The following RNF214 variants were observed in gnomAD, a reference collection of about 807,000 sequenced individuals.
RNF214 encodes the protein ring finger protein 214.
In RNF214, 25 loss-of-function variants were observed where a neutral mutation model predicts 75.9. The ratio of observed to expected loss-of-function variants is 0.33; its 90% CI spans 0.24 to 0.46. The LOEUF (loss-of-function observed/expected upper bound fraction) is 0.46, where lower values mean the gene tolerates loss of function less well. Among genes scored for constraint, RNF214 ranks in the 20% least tolerant of loss-of-function variants. RNF214 has a pLI of 1.00. For missense variants in RNF214, 725 were observed against 857.5 expected (o/e 0.85, Z 1.93); for synonymous variants, 314 against 308.8 (o/e 1.02, Z -0.18).
At chr11:117,263,009 G>A (rs1012629965) in intron 6 of RNF214, among the ~76,000 whole-genome samples, 1 of 151,646 alleles carries the variant, frequency 6.6e-6, no homozygotes, top group Non-Finnish European at 1.5e-5. Flanking sequence ...GTTTCACCAT[G>A]TGGCCCAGGC....
chr11:117,247,636 A>G (rs2033260791), intron 6 of RNF214, among the ~76,000 whole-genome samples: 1 of 152,132 alleles, frequency 6.6e-6, no homozygotes, highest in South Asian at 2.1e-4. Context: ...GTGGATCACG[A>G]GGTCAGGAGA....
At chr11:117,246,704 A>G (rs2033234730) in intron 5 of RNF214, 105 bp from the exon 6 acceptor site, 1 of 1,172,730 alleles carries the variant, frequency 8.5e-7, no homozygotes, top group Non-Finnish European at 1.2e-6. Flanking sequence ...TGAATTCACT[A>G]AAGTCAATAC....
Position 117,238,888 on chromosome 11 carries a change from C to G in RNF214, c.395C>G (p.Thr132Ser). 1.2e-6 allele frequency: 2 copies of G among 1,614,198 alleles called. No homozygotes were observed. Among genetic ancestry groups the G allele is most frequent in the Non-Finnish European group, 1.7e-6 (2 of 1,180,042 alleles). Residue 132 changes from threonine (T) to serine (S), a missense_variant, in exon 3 of 15, where the codon ACT becomes AGT. Thr to Ser is a moderately conservative substitution (Grantham distance 58). Transcript: ENST00000300650. ...TSLRESLHPV[T>S]RSLKAGCHTK... ...CTTCGGGAGAGCCTCCATCCAGTCA[C>G]TCGGTCTCTTAAGGCAGGGTGCCAT...
chr11:117,246,368 A>G (rs2033226841), intron 5 of RNF214, among the ~76,000 whole-genome samples: 1 of 152,208 alleles, frequency 6.6e-6, no homozygotes, highest in Admixed American at 6.6e-5. Flanking sequence ...TTGTTGTTAA[A>G]GAGTAAAACA....
At chr11:117,257,633 A>G (rs987175622) in intron 6 of RNF214, among the ~76,000 whole-genome samples, 2 of 152,160 alleles carry the variant, frequency 1.3e-5, no homozygotes, top group African/African-American at 4.8e-5. Context: ...TTGGTGGGAA[A>G]ATAGAGAAGG....
intron 14 of RNF214, 126 bp downstream of exon 14, chr11:117,283,336 G>T: frequency 3.0e-6 from 2 of 664,468 alleles, no homozygotes; most frequent in East Asian, 2.7e-5. Flanking sequence ...TACTGTGTTG[G>T]TGCTCATCAT....
intron 6 of RNF214, among the ~76,000 whole-genome samples, chr11:117,248,560 A>G (rs184307762): frequency 9.2e-5 from 14 of 152,330 alleles, no homozygotes; most frequent in Admixed American, 2.0e-4. Flanking sequence ...CTCCAAGATA[A>G]TAATTGTGAA....
At chr11:117,250,481 A>C (rs986369034) in intron 6 of RNF214, among the ~76,000 whole-genome samples, 7 of 151,388 alleles carry the variant, frequency 4.6e-5, no homozygotes, top group Admixed American at 4.6e-4. Context: ...TCTTGTTCAT[A>C]AGAGATACTT....
chr11:117,243,023 G>C (rs1187555171), intron 4 of RNF214, among the ~76,000 whole-genome samples: 1 of 152,228 alleles, frequency 6.6e-6, no homozygotes, highest in East Asian at 1.9e-4. Context: ...TCCCTGGAAA[G>C]GTGTGATGCT....
Position 117,282,200 on chromosome 11 carries a change from C to G in RNF214, c.1642C>G (p.Arg548Gly). ...TGTTAAGGCTTCTGCTGAAACTCCC[C>G]GGCCCCAACCAGTAGACAAACTGGA... is the stretch of plus-strand genomic sequence containing the variant. ...GGVKASAETP[R>G]PQPVDKLEKI... The change falls in exon 11 of 15, where the codon CGG becomes GGG. Residue 548 changes from arginine to glycine, a missense_variant. Arg to Gly is a moderately radical substitution (Grantham distance 125). Transcript: ENST00000300650. The G allele has an allele frequency of 6.2e-7, 1 of 1,612,904 alleles. No homozygotes were observed. Among genetic ancestry groups the G allele is most frequent in the Non-Finnish European group, 8.5e-7 (1 of 1,179,316 alleles).
intron 2 of RNF214, among the ~76,000 whole-genome samples, chr11:117,237,583 T>C (rs973715641): frequency 6.6e-6 from 1 of 152,134 alleles, no homozygotes; most frequent in South Asian, 2.1e-4. Context: ...TTGGATGTCA[T>C]TGTAAATATG....
intron 6 of RNF214, among the ~76,000 whole-genome samples, chr11:117,270,241 CTTTTTT>C (rs57144374): frequency 6.6e-5 from 5 of 75,852 alleles, no homozygotes; most frequent in Non-Finnish European, 1.0e-4. Flanking sequence ...CTTTTCTTTT[CTTTTTT>C]TTTTTTTTTT....
chr11:117,245,732 C>G (rs941435039), intron 5 of RNF214, among the ~76,000 whole-genome samples: 9 of 152,042 alleles, frequency 5.9e-5, no homozygotes, highest in Non-Finnish European at 1.2e-4. Flanking sequence ...TACTTATTGA[C>G]AATACATTCA....
At chr11:117,253,777 A>G (rs1033861479) in intron 6 of RNF214, among the ~76,000 whole-genome samples, 7 of 152,236 alleles carry the variant, frequency 4.6e-5, no homozygotes, top group African/African-American at 1.7e-4. Flanking sequence ...GTGTTTTAAA[A>G]GACATAATTG....
chr11:117,270,289 GCT>G (rs920118577), intron 6 of RNF214, among the ~76,000 whole-genome samples: 1 of 96,622 alleles, frequency 1.0e-5, no homozygotes, highest in African/African-American at 4.3e-5. Flanking sequence ...TTACTCAGTT[GCT>G]CTGTTGTCCA....
At position 117,282,134 on chromosome 11, in the gene RNF214, C is replaced by T. The variant is rs983560664; in HGVS notation, c.1576C>T (p.Pro526Ser). 4 of 1,614,024 alleles carry T rather than the reference C, an allele frequency of 2.5e-6. No individual in the cohort carries two copies. Among genetic ancestry groups the T allele is most frequent in the Non-Finnish European group, 3.4e-6 (4 of 1,179,948 alleles). The change falls in exon 11 of 15, where the codon CCC becomes TCC. Residue 526 changes from proline (P) to serine (S), a missense_variant. By Grantham distance (74) the Pro-to-Ser change is moderately conservative. Around this residue, in one of 2 missense-constraint regions of RNF214, gnomAD observed 363 missense variants for 513.0 expected, o/e 0.71. Transcript: ENST00000300650. ...TGTCAGCCCCCACGGTCCACACATG[C>T]CCCCTGCCGCCTCCATCCCACCTCC... The part of the protein sequence containing the change: ...SLVSPHGPHM[P>S]PAASIPPPPG...
In RNF214 at chr11:117,282,000, C is replaced by T. The variant is rs1256268572; in HGVS notation, c.1442C>T (p.Pro481Leu). The T allele has an allele frequency of 1.2e-6, 2 of 1,613,954 alleles. No individual in the cohort carries two copies. Among genetic ancestry groups the T allele is most frequent in the Non-Finnish European group, 1.7e-6 (2 of 1,180,040 alleles). Residue 481 changes from proline (P) to leucine (L), a missense_variant, in exon 11 of 15, where the codon CCC becomes CTC. Transcript: ENST00000300650. Reference sequence around the variant, plus strand: ...CCCATGGTTATGCCCAGTGCAGATCCCCGCTCCTTGTCTTTCCCAATCCTG... The same window carrying T: ...CCCATGGTTATGCCCAGTGCAGATCTCCGCTCCTTGTCTTTCCCAATCCTG... ...TMPMVMPSAD[P>L]RSLSFPILNP...
At chr11:117,250,605 A>T (rs897588632) in intron 6 of RNF214, among the ~76,000 whole-genome samples, 8 of 47,894 alleles carry the variant, frequency 1.7e-4, no homozygotes, top group African/African-American at 2.7e-4. Flanking sequence ...TTATTTATTT[A>T]TTTATTTTTT....
intron 6 of RNF214, among the ~76,000 whole-genome samples, chr11:117,247,483 A>G (rs2033255792): frequency 6.6e-6 from 1 of 152,170 alleles, no homozygotes; most frequent in Non-Finnish European, 1.5e-5. Context: ...TGACAGAGCA[A>G]GACCTTGTCT....
Sources: allele counts gnomAD v4.1 joint callset (sites outside exome capture counted in the v4.1 genomes callset), GRCh38; gene constraint gnomAD v4.1.1; regional missense constraint gnomAD v4.1.1; transcripts MANE v1.5; gene names NCBI Gene and HGNC (gene_info 2026-07-23, HGNC 2026-07-21).